Variants in ILDR1 observed in about 807,000 individuals in gnomAD.
The protein encoded by ILDR1 is immunoglobulin-like domain-containing receptor 1.
ILDR1 carries 56 observed loss-of-function variants against 62.4 expected under a neutral mutation model. The observed-to-expected ratio is 0.90, with a 90% CI of 0.72 to 1.12. The LOEUF is 1.12. Ranked by LOEUF, ILDR1 falls within the 50% of genes most tolerant of loss-of-function variation. The pLI is 0.00. For synonymous variants in ILDR1, 284 were observed against 277.8 expected (o/e 1.02, Z -0.22); for missense variants, 736 against 710.6 (o/e 1.04, Z -0.41).
chr3:122,025,972 T>A (rs779566591), upstream of ILDR1, among the ~76,000 whole-genome samples: 15 of 152,102 alleles, frequency 9.9e-5, no homozygotes, highest in Non-Finnish European at 1.3e-4. Context: ...CTGCTCTAGG[T>A]TTGAAAATGA....
chr3:121,995,743 CACACAT>C (rs1303029045), intron 5 of ILDR1, among the ~76,000 whole-genome samples: 9 of 152,206 alleles, frequency 5.9e-5, no homozygotes, highest in Non-Finnish European at 1.0e-4. Flanking sequence ...CCACCACCAA[CACACAT>C]ACTGGAATGC....
the ILDR1 span, among the ~76,000 whole-genome samples, chr3:122,042,704 A>G: frequency 3.1e-4 from 47 of 152,184 alleles, no homozygotes; most frequent in African/African-American, 1.0e-3. Context: ...TTGGCTGCAT[A>G]AATGTCTTCT....
chr3:122,036,527 T>C, the ILDR1 span, among the ~76,000 whole-genome samples: 1 of 150,392 alleles, frequency 6.6e-6, no homozygotes, highest in Non-Finnish European at 1.5e-5. Context: ...AGGTGGAGCT[T>C]GCAGTGAGCC....
At chr3:122,029,511 A>ATATATATATAT in the ILDR1 span, among the ~76,000 whole-genome samples, 1,053 of 139,422 alleles carry the variant, frequency 7.6e-3, 11 homozygotes, top group African/African-American at 0.023. Context: ...GTCTAAAAAA[A>ATATATATATAT]ATATATATAT....
chr3:122,055,462 A>G, the ILDR1 span: 204 of 1,612,388 alleles, frequency 1.3e-4, no homozygotes, highest in Non-Finnish European at 1.6e-4. Context: ...TCATTTCCAG[A>G]TATTAGGTCA....
In ILDR1 at chr3:121,988,378, C is replaced by T; in HGVS notation, c.1630G>A (p.Val544Met). The T allele has an allele frequency of 6.2e-7, 1 of 1,613,828 alleles. No homozygotes were observed. The highest frequency in any genetic ancestry group is 8.5e-7 in the Non-Finnish European group (1 of 1,179,754). The change falls in exon 8 of 8, where the codon GTG (valine) becomes ATG (methionine). Residue 544 changes from valine (V) to methionine (M), a missense_variant. Transcript: ENST00000344209. ...GCTGTGCTTGGTGACTAAATGACCA[C>T]ACTCCTTCCACTATGAGAGCTGTCT... is the stretch of plus-strand genomic sequence containing the variant. The part of the protein sequence containing the change: ...EKDSSHSGRS[V>M]VI
At chr3:122,014,401 T>C (rs1576734278) in intron 1 of ILDR1, among the ~76,000 whole-genome samples, 1 of 152,238 alleles carries the variant, frequency 6.6e-6, no homozygotes. Flanking sequence ...TTCAAACTAA[T>C]GATATATTGT....
At chr3:121,998,250 C>T (rs541759441) in intron 5 of ILDR1, among the ~76,000 whole-genome samples, 3 of 152,358 alleles carry the variant, frequency 2.0e-5, no homozygotes, top group African/African-American at 7.2e-5. Context: ...AGTGACCTCA[C>T]TTCTTAATGC....
chr3:121,996,163 T>G (rs1365585023), intron 5 of ILDR1, among the ~76,000 whole-genome samples: 3 of 152,206 alleles, frequency 2.0e-5, no homozygotes, highest in Admixed American at 6.5e-5. Flanking sequence ...TTCTTCCAGA[T>G]GGTCCTATTC....
chr3:122,001,313 T>C lies in ILDR1; in HGVS notation c.641A>G (p.Glu214Gly), dbSNP rs1576722137. 6.2e-7 allele frequency: 1 copy of C among 1,614,072 alleles called. No homozygotes were observed. Residue 214 changes from glutamate to glycine, a missense_variant, in exon 5 of 8, where the codon GAG (glutamate) becomes GGG (glycine). Glu to Gly is a moderately conservative substitution (Grantham distance 98). Transcript: ENST00000344209. ...PCCPAHCCCPEEALARHRYMK... is the reference protein window; with the variant it reads ...PCCPAHCCCPGEALARHRYMK... Reference sequence around the variant, plus strand: ...GCTTGTCTGTCCCCTCTCACCTTCCTCAGGACAGCAGCAGTGGGCAGGACA... The same window carrying C: ...GCTTGTCTGTCCCCTCTCACCTTCCCCAGGACAGCAGCAGTGGGCAGGACA...
intron 2 of ILDR1, among the ~76,000 whole-genome samples, chr3:122,006,312 G>A (rs2071609747): frequency 6.6e-6 from 1 of 152,192 alleles, no homozygotes; most frequent in Non-Finnish European, 1.5e-5. Context: ...TAACAGTGGG[G>A]TGGTTCTAGG....
the ILDR1 span, among the ~76,000 whole-genome samples, chr3:122,033,301 G>C: frequency 6.6e-6 from 1 of 151,792 alleles, no homozygotes; most frequent in South Asian, 2.1e-4. Flanking sequence ...CCTTTCTTGA[G>C]TCTCGGTGGA....
upstream of ILDR1, among the ~76,000 whole-genome samples, chr3:122,022,517 G>A (rs1164821040): frequency 6.6e-6 from 1 of 152,120 alleles, no homozygotes; most frequent in African/African-American, 2.4e-5. Flanking sequence ...TGTTTCCTGC[G>A]TTATATTTCC....
intron 1 of ILDR1, among the ~76,000 whole-genome samples, chr3:122,013,918 C>A (rs1044317451): frequency 6.6e-6 from 1 of 152,154 alleles, no homozygotes; most frequent in African/African-American, 2.4e-5. Flanking sequence ...TACATTATCT[C>A]ATTTAACCTT....
chr3:122,035,819 T>C, the ILDR1 span, among the ~76,000 whole-genome samples: 1 of 152,210 alleles, frequency 6.6e-6, no homozygotes, highest in Non-Finnish European at 1.5e-5. Flanking sequence ...AATGAACTAA[T>C]ACAGAATATT....
chr3:121,993,122 A>G, intron 7 of ILDR1, 28 bp downstream of exon 7: 1 of 1,532,132 alleles, frequency 6.5e-7, no homozygotes, highest in Non-Finnish European at 8.9e-7. Flanking sequence ...GCCCATGCCC[A>G]ACCCTCAGCA....
chr3:122,007,925 C>T (rs2071640616), intron 1 of ILDR1, among the ~76,000 whole-genome samples: 2 of 152,178 alleles, frequency 1.3e-5, no homozygotes, highest in South Asian at 2.1e-4. Context: ...AGTGCGCCAA[C>T]CTACCCCTAG....
intron 1 of ILDR1, among the ~76,000 whole-genome samples, chr3:122,010,474 C>T (rs182959168): frequency 1.4e-4 from 22 of 152,190 alleles, no homozygotes; most frequent in Admixed American, 1.1e-3. Flanking sequence ...CTGCTGTCTC[C>T]GTAAGCTGTA....
At chr3:122,058,220 A>G in the ILDR1 span, among the ~76,000 whole-genome samples, 4 of 152,200 alleles carry the variant, frequency 2.6e-5, no homozygotes, top group African/African-American at 9.7e-5. Flanking sequence ...GAATGGAGGA[A>G]GGTTTTTTCC....
Sources: allele counts gnomAD v4.1 joint callset (sites outside exome capture counted in the v4.1 genomes callset), GRCh38; gene constraint gnomAD v4.1.1; transcripts MANE v1.5; gene names NCBI Gene and HGNC (gene_info 2026-07-23, HGNC 2026-07-21).